Variants in USP54 observed in about 807,000 individuals in gnomAD.
USP54 encodes the protein ubiquitin specific peptidase 54.
Under a neutral mutation model 170.5 loss-of-function variants are expected in USP54, and 87 were observed. That is an observed-to-expected ratio of 0.51 (90% CI 0.43 to 0.61). The LOEUF (loss-of-function observed/expected upper bound fraction) is 0.61. USP54 is among the 20% of genes least tolerant of loss of function. The probability of loss-of-function intolerance (pLI) is 0.00; values close to 1 mark genes in which losing one functional copy is unlikely to be tolerated. For synonymous variants in USP54, 655 were observed against 742.8 expected, an observed-to-expected ratio of 0.88 and a Z score of 1.92; for missense variants, 1,786 against 2,047.8, an observed-to-expected ratio of 0.87 and a Z score of 2.47.
At chr10:73,597,290 G>A (rs898621229) in intron 1 of USP54, among the ~76,000 whole-genome samples, 6 of 152,132 alleles carry the variant, frequency 3.9e-5, no homozygotes, top group Non-Finnish European at 7.4e-5. Context: ...CTAACAAATT[G>A]CTACAAGATT....
At chr10:73,532,609 T>TA (rs760846735) in intron 12 of USP54, among the ~76,000 whole-genome samples, 3 of 152,234 alleles carry the variant, frequency 2.0e-5, no homozygotes, top group Admixed American at 6.5e-5. Flanking sequence ...AAAGTGGGTC[T>TA]AAAAAACTCA....
chr10:73,571,711 A>G (rs192084627), intron 3 of USP54, among the ~76,000 whole-genome samples, 198 bp from the exon 4 acceptor site: 2 of 152,324 alleles, frequency 1.3e-5, no homozygotes, highest in East Asian at 3.9e-4. Flanking sequence ...ATATTCTGGG[A>G]AAGATATTAA....
intron 1 of USP54, among the ~76,000 whole-genome samples, chr10:73,622,901 C>G (rs537118351): frequency 2.0e-5 from 3 of 151,890 alleles, no homozygotes; most frequent in African/African-American, 7.2e-5. Context: ...CGTGATTACT[C>G]CACTGCACTC....
chr10:73,565,796 T>C (rs1162573522), intron 4 of USP54, among the ~76,000 whole-genome samples: 2 of 152,130 alleles, frequency 1.3e-5, no homozygotes, highest in South Asian at 2.1e-4. Context: ...TAGGTAAACA[T>C]GTACAAAAAT....
At chr10:73,603,673 G>A (rs1032948744) in intron 1 of USP54, among the ~76,000 whole-genome samples, 40 of 149,574 alleles carry the variant, frequency 2.7e-4, no homozygotes, top group African/African-American at 9.9e-4. Flanking sequence ...ACTTTAACCC[G>A]GGAGGCAGAG....
At chr10:73,552,336 C>T (rs1277123800) in intron 4 of USP54, among the ~76,000 whole-genome samples, 1 of 151,478 alleles carries the variant, frequency 6.6e-6, no homozygotes, top group Non-Finnish European at 1.5e-5. Context: ...TTGCTTGAAC[C>T]TAGGAGGCGG....
At chr10:73,577,249 T>C (rs980650979) in intron 1 of USP54, among the ~76,000 whole-genome samples, 2 of 152,240 alleles carry the variant, frequency 1.3e-5, no homozygotes, top group African/African-American at 4.8e-5. Context: ...CACCATCATA[T>C]GCACCATCTA....
intron 12 of USP54, among the ~76,000 whole-genome samples, chr10:73,533,296 T>C (rs1445383621): frequency 6.6e-6 from 1 of 151,114 alleles, no homozygotes; most frequent in Non-Finnish European, 1.5e-5. Context: ...ACAGAGCGAC[T>C]CCAACTCAAA....
chr10:73,539,647 T>A, intron 9 of USP54, 54 bp from the exon 10 acceptor site: 1 of 1,531,660 alleles, frequency 6.5e-7, no homozygotes, highest in East Asian at 2.3e-5. Flanking sequence ...CCATTCCACA[T>A]CATCTCTCAG....
At chr10:73,604,235 G>A (rs546002253) in intron 1 of USP54, among the ~76,000 whole-genome samples, 105 of 152,116 alleles carry the variant, frequency 6.9e-4, no homozygotes, top group African/African-American at 2.3e-3. Context: ...GCGACAGAGC[G>A]AGAGTCCATC....
At chr10:73,505,793 C>A (rs1408946845) in intron 20 of USP54, 1 of 164,746 alleles carries the variant, frequency 6.1e-6, no homozygotes, top group African/African-American at 2.4e-5. Context: ...TGGCGTGAAC[C>A]CGGGAGGCGT....
rs150184594 is a variant in USP54 at position 73,547,153 on chromosome 10, A to T, written c.241-1481T>A. On this transcript the variant is annotated intron_variant, in intron 4 of 23. Coordinates refer to ENST00000687698, the MANE Select transcript of USP54 (RefSeq NM_001391956.1). ...AGTAGAATCAGCCAGGTGCAGTGGC[A>T]CACGCCTATAATGCCAATACTTGTA... Among the ~76,000 whole-genome samples, 277 of 152,300 alleles carry T rather than the reference A, an allele frequency of 1.8e-3. 1 individual carries two copies. Among genetic ancestry groups the T allele is most frequent in the African/African-American group, 5.8e-3 (243 of 41,574 alleles).
chr10:73,523,536 T>G, intron 17 of USP54, 47 bp downstream of exon 17: 1 of 1,494,050 alleles, frequency 6.7e-7, no homozygotes, highest in South Asian at 1.4e-5. Flanking sequence ...TTTTCTACCC[T>G]TTCTGTCTGT....
intron 1 of USP54, among the ~76,000 whole-genome samples, chr10:73,616,335 C>CAAAAAAAAAA (rs60197778): frequency 7.8e-5 from 2 of 25,776 alleles, no homozygotes; most frequent in African/African-American, 3.6e-4. Context: ...GACTCCATCT[C>CAAAAAAAAAA]AAAAAAAAAA....
At chr10:73,601,503 C>CT (rs11365475) in intron 1 of USP54, among the ~76,000 whole-genome samples, 69 of 146,608 alleles carry the variant, frequency 4.7e-4, no homozygotes, top group African/African-American at 9.2e-4. Flanking sequence ...CCAAAAATGC[C>CT]TTTTTTTTTT....
chr10:73,610,504 G>A (rs1485998262), intron 1 of USP54, among the ~76,000 whole-genome samples: 1 of 151,850 alleles, frequency 6.6e-6, no homozygotes, highest in East Asian at 1.9e-4. Flanking sequence ...CACACCTGTA[G>A]TCCCAGCTAT....
At chr10:73,516,060 G>A (rs1182283339) in intron 20 of USP54, 2 of 217,590 alleles carry the variant, frequency 9.2e-6, no homozygotes, top group Non-Finnish European at 1.8e-5. Flanking sequence ...GGGATTACAG[G>A]AGTGAGCCAC....
chr10:73,573,110 C>CCAG (rs2075498776), intron 3 of USP54, among the ~76,000 whole-genome samples: 1 of 151,764 alleles, frequency 6.6e-6, no homozygotes, highest in African/African-American at 2.4e-5. Flanking sequence ...TATAGTGAGA[C>CCAG]CCTCTCTCCA....
chr10:73,593,953 ACC>A (rs2078503414), upstream of USP54, among the ~76,000 whole-genome samples: 1 of 152,186 alleles, frequency 6.6e-6, no homozygotes, highest in Non-Finnish European at 1.5e-5. Context: ...CTCTGGAGTA[ACC>A]CCAAAGTCAA....
Sources: allele counts gnomAD v4.1 joint callset (sites outside exome capture counted in the v4.1 genomes callset), GRCh38; gene constraint gnomAD v4.1.1; transcripts MANE v1.5; gene names NCBI Gene and HGNC (gene_info 2026-07-23, HGNC 2026-07-21).